Variants in SGCZ observed in about 807,000 individuals in gnomAD.
SGCZ encodes sarcoglycan zeta.
SGCZ carries 40 observed loss-of-function variants against 41.3 expected under a neutral mutation model. The observed-to-expected ratio is 0.97, with a 90% CI of 0.75 to 1.26. SGCZ has a LOEUF of 1.26. Ranked by LOEUF, SGCZ falls within the 50% of genes most tolerant of loss-of-function variation. The pLI, the probability that SGCZ is intolerant of heterozygous loss-of-function variation, is 0.00. For missense variants in SGCZ, 552 were observed against 369.8 expected (o/e 1.49, Z -4.04); for synonymous variants, 206 against 137.5 (o/e 1.50, Z -3.49).
chr8:14,453,414 G>T (rs1192769048), intron 2 of SGCZ, among the ~76,000 whole-genome samples: 8 of 152,060 alleles, frequency 5.3e-5, no homozygotes, highest in African/African-American at 1.9e-4. Context: ...TGAACAACAA[G>T]ACATTTTTGT....
chr8:14,492,519 A>C (rs1319558969), intron 2 of SGCZ, among the ~76,000 whole-genome samples: 1 of 152,198 alleles, frequency 6.6e-6, no homozygotes, highest in Non-Finnish European at 1.5e-5. Context: ...ACTCTAAATA[A>C]GGCCCAATTA....
chr8:14,403,575 A>C (rs930153283), intron 2 of SGCZ, among the ~76,000 whole-genome samples: 2 of 152,082 alleles, frequency 1.3e-5, no homozygotes, highest in African/African-American at 4.8e-5. Flanking sequence ...GGCTCTGTTT[A>C]TATGCTGGAT....
chr8:14,911,984 A>G (rs1799291797), intron 1 of SGCZ, among the ~76,000 whole-genome samples: 1 of 152,042 alleles, frequency 6.6e-6, no homozygotes, highest in South Asian at 2.1e-4. Flanking sequence ...ACTACTGCTT[A>G]CACTATTTCT....
At chr8:14,996,884 C>T (rs1327917077) in intron 1 of SGCZ, among the ~76,000 whole-genome samples, 1 of 152,210 alleles carries the variant, frequency 6.6e-6, no homozygotes, top group African/African-American at 2.4e-5. Context: ...TCTGCCGTGG[C>T]TTCTACAATT....
chr8:14,816,759 T>A (rs1043581064), intron 1 of SGCZ, among the ~76,000 whole-genome samples: 1 of 152,222 alleles, frequency 6.6e-6, no homozygotes, highest in Non-Finnish European at 1.5e-5. Flanking sequence ...TCCTCCTTTA[T>A]ATATGTTTAT....
At chr8:14,983,161 G>A (rs573131072) in intron 1 of SGCZ, among the ~76,000 whole-genome samples, 9 of 150,604 alleles carry the variant, frequency 6.0e-5, no homozygotes, top group East Asian at 2.0e-4. Flanking sequence ...CATTGTATTC[G>A]GTGCTGTCAC....
chr8:14,631,186 G>C (rs1010974781), intron 1 of SGCZ, among the ~76,000 whole-genome samples: 3 of 152,008 alleles, frequency 2.0e-5, no homozygotes, highest in African/African-American at 4.8e-5. Context: ...TTACCACTGG[G>C]ATCCTCCTCA....
rs959814988 is a variant in SGCZ, at chr8:15,165,506, T to G, written c.39+72079A>C. Among the ~76,000 whole-genome samples the G allele has an allele frequency of 3.9e-5, 6 of 152,168 alleles. 1 individual carries two copies. Among genetic ancestry groups the G allele is most frequent in the South Asian group, 2.1e-4 (1 of 4,826 alleles). Reference sequence around the variant, plus strand: ...ACTATTTGACATGCTGGCTTTAGATTTGATATGGCCTGGGGACATATGGAA... The same window carrying G: ...ACTATTTGACATGCTGGCTTTAGATGTGATATGGCCTGGGGACATATGGAA... On this transcript the variant is annotated intron_variant, in intron 1 of 7. Transcript: ENST00000382080.
intron 1 of SGCZ, among the ~76,000 whole-genome samples, chr8:14,608,479 G>T (rs1805824471): frequency 6.6e-6 from 1 of 152,048 alleles, no homozygotes. Context: ...TATGGCAAGA[G>T]AGAGAGTGAG....
chr8:14,787,603 T>A (rs1431935537), intron 1 of SGCZ, among the ~76,000 whole-genome samples: 3 of 152,054 alleles, frequency 2.0e-5, no homozygotes, highest in Admixed American at 6.6e-5. Context: ...TCCCAGCACT[T>A]TGGGGGACCA....
intron 1 of SGCZ, among the ~76,000 whole-genome samples, chr8:14,991,040 T>C (rs1801998001): frequency 6.6e-6 from 1 of 152,204 alleles, no homozygotes. Flanking sequence ...CAAAAGACTA[T>C]TAAAAATACT....
At chr8:14,966,504 G>A (rs201775963) in intron 1 of SGCZ, among the ~76,000 whole-genome samples, 2 of 151,908 alleles carry the variant, frequency 1.3e-5, no homozygotes, top group East Asian at 3.8e-4. Flanking sequence ...TTTTTACAAA[G>A]TCCAGGTATT....
intron 2 of SGCZ, among the ~76,000 whole-genome samples, chr8:14,489,414 A>G (rs542829926): frequency 2.6e-5 from 4 of 151,838 alleles, no homozygotes; most frequent in African/African-American, 9.7e-5. Context: ...AATAAGCATG[A>G]CAATTTTACC....
chr8:14,319,278 C>T (rs1330527625), intron 3 of SGCZ, among the ~76,000 whole-genome samples: 1 of 151,870 alleles, frequency 6.6e-6, no homozygotes, highest in Non-Finnish European at 1.5e-5. Flanking sequence ...GAGAAAAATA[C>T]CAAGGTGCCC....
intron 1 of SGCZ, among the ~76,000 whole-genome samples, chr8:14,651,256 C>G (rs1044439032): frequency 6.6e-6 from 1 of 152,020 alleles, no homozygotes; most frequent in Non-Finnish European, 1.5e-5. Context: ...TATGCAAGAA[C>G]AGACTGCATT....
intron 1 of SGCZ, among the ~76,000 whole-genome samples, chr8:14,843,526 C>G (rs922672162): frequency 1.3e-5 from 2 of 151,950 alleles, no homozygotes; most frequent in African/African-American, 2.4e-5. Context: ...GTGATAAACA[C>G]TAAATTAAAT....
chr8:14,920,161 T>C (rs116945576), intron 1 of SGCZ, among the ~76,000 whole-genome samples: 8 of 152,184 alleles, frequency 5.3e-5, no homozygotes, highest in Non-Finnish European at 1.2e-4. Context: ...AAACTTGGAG[T>C]GCATTTTAGC....
chr8:14,498,821 C>G (rs1363852686), intron 2 of SGCZ, among the ~76,000 whole-genome samples: 1 of 151,758 alleles, frequency 6.6e-6, no homozygotes, highest in African/African-American at 2.4e-5. Flanking sequence ...AATTTTTGTG[C>G]AATATTTTGC....
chr8:14,440,190 A>T (rs961634994), intron 2 of SGCZ, among the ~76,000 whole-genome samples: 4 of 152,026 alleles, frequency 2.6e-5, no homozygotes, highest in South Asian at 4.1e-4. Flanking sequence ...ATTTTTTAAA[A>T]TTTTTTGCCT....
Sources: allele counts gnomAD v4.1 joint callset (sites outside exome capture counted in the v4.1 genomes callset), GRCh38; gene constraint gnomAD v4.1.1; transcripts MANE v1.5; gene names NCBI Gene and HGNC (gene_info 2026-07-23, HGNC 2026-07-21).